The following SH3GL2 variants were observed in gnomAD, a reference collection of about 807,000 sequenced individuals.
SH3GL2 encodes endophilin-A1.
A neutral mutation model predicts 46.0 loss-of-function variants in SH3GL2; 24 were observed. The ratio of observed to expected loss-of-function variants is 0.52; its 90% CI spans 0.38 to 0.73. SH3GL2 has a LOEUF of 0.73. Ranked by LOEUF, SH3GL2 falls within the 30% of genes least tolerant of loss-of-function variation. The pLI is 0.00. For missense variants in SH3GL2, 413 were observed against 424.2 expected (o/e 0.97, Z 0.23); for synonymous variants, 196 against 147.1 (o/e 1.33, Z -2.40).
chr9:17,772,855 T>C (rs149336955), intron 3 of SH3GL2, among the ~76,000 whole-genome samples: 1 of 152,326 alleles, frequency 6.6e-6, no homozygotes, highest in African/African-American at 2.4e-5. Context: ...TTTGGGTAGA[T>C]ATCCAGAAAT....
chr9:17,619,644 T>C (rs754607517), intron 1 of SH3GL2, among the ~76,000 whole-genome samples: 12 of 151,472 alleles, frequency 7.9e-5, no homozygotes, highest in African/African-American at 1.2e-4. Flanking sequence ...ACCATTGCGC[T>C]CTAGCCTGGG....
At chr9:17,583,500 C>T (rs183843715) in intron 1 of SH3GL2, among the ~76,000 whole-genome samples, 1 of 152,318 alleles carries the variant, frequency 6.6e-6, no homozygotes, top group Admixed American at 6.5e-5. Flanking sequence ...TAGCCAGGCA[C>T]AAATCTGTTA....
intron 1 of SH3GL2, among the ~76,000 whole-genome samples, chr9:17,682,157 C>T (rs1820786539): frequency 6.6e-6 from 1 of 152,132 alleles, no homozygotes; most frequent in African/African-American, 2.4e-5. Flanking sequence ...TGTGGCGATT[C>T]CTCAAGGATC....
chr9:17,698,640 A>G (rs1031183602), intron 1 of SH3GL2, among the ~76,000 whole-genome samples: 29 of 152,204 alleles, frequency 1.9e-4, no homozygotes, highest in Non-Finnish European at 7.3e-5. Context: ...AAGAGATTAA[A>G]TGAGATAGAG....
chr9:17,776,307 G>A (rs369252273), intron 3 of SH3GL2, among the ~76,000 whole-genome samples: 2 of 152,076 alleles, frequency 1.3e-5, no homozygotes, highest in African/African-American at 4.8e-5. Context: ...AAAACTCCCT[G>A]TTTTTTTCCC....
intron 1 of SH3GL2, among the ~76,000 whole-genome samples, chr9:17,726,077 G>GTA (rs1331654306): frequency 6.6e-6 from 1 of 152,132 alleles, no homozygotes; most frequent in Admixed American, 6.5e-5. Flanking sequence ...TTCACTTGCT[G>GTA]TATGCCCTTA....
At chr9:17,748,100 G>A (rs1316432689) in intron 2 of SH3GL2, among the ~76,000 whole-genome samples, 1 of 152,200 alleles carries the variant, frequency 6.6e-6, no homozygotes, top group Non-Finnish European at 1.5e-5. Context: ...GCAAGTGAGG[G>A]TAGAAGTGAT....
At chr9:17,794,527 C>G (rs1234709699) in intron 8 of SH3GL2, among the ~76,000 whole-genome samples, 1 of 152,172 alleles carries the variant, frequency 6.6e-6, no homozygotes, top group Non-Finnish European at 1.5e-5. Context: ...TTCTCCCTGT[C>G]TGAAAACCAA....
At chr9:17,727,826 TG>T (rs1238645568) in intron 1 of SH3GL2, among the ~76,000 whole-genome samples, 1 of 152,086 alleles carries the variant, frequency 6.6e-6, no homozygotes, top group Non-Finnish European at 1.5e-5. Flanking sequence ...TCCCTTTCCC[TG>T]CCCCACCCCT....
intron 1 of SH3GL2, among the ~76,000 whole-genome samples, chr9:17,669,593 A>G (rs1403786188): frequency 6.6e-6 from 1 of 152,162 alleles, no homozygotes; most frequent in African/African-American, 2.4e-5. Context: ...TACTCAAATT[A>G]TTGCATGTTT....
chr9:17,693,297 G>T (rs1205672806), intron 1 of SH3GL2, among the ~76,000 whole-genome samples: 1 of 152,098 alleles, frequency 6.6e-6, no homozygotes, highest in South Asian at 2.1e-4. Context: ...CCAGTGGCAA[G>T]TACTTGAGCA....
chr9:17,629,066 A>G (rs1297522424), intron 1 of SH3GL2, among the ~76,000 whole-genome samples: 1 of 151,870 alleles, frequency 6.6e-6, no homozygotes, highest in African/African-American at 2.4e-5. Flanking sequence ...AAGAGGACTT[A>G]GATGAATTGG....
chr9:17,682,605 C>T (rs1684911519), intron 1 of SH3GL2, among the ~76,000 whole-genome samples: 1 of 151,390 alleles, frequency 6.6e-6, no homozygotes, highest in South Asian at 2.1e-4. Context: ...ATAGGTGCAG[C>T]AGACCACCAT....
chr9:17,758,484 C>A (rs1823068200), intron 2 of SH3GL2, among the ~76,000 whole-genome samples: 1 of 138,476 alleles, frequency 7.2e-6, no homozygotes, highest in Non-Finnish European at 1.5e-5. Context: ...ATCGCTTGAA[C>A]CTGGGAGGAG....
Position 17,791,218 on chromosome 9 carries a change from C to T in SH3GL2, c.625-13C>T. On this transcript the variant is annotated splice_polypyrimidine_tract_variant and intron_variant, in intron 6 of 8. Coordinates refer to ENST00000380607, the MANE Select transcript of SH3GL2 (RefSeq NM_003026.5). ...GTGTAAAACTAAGGCATGATTTTCC[C>T]ATCAATCTGCAGATTGAACAAGTGA... 1.3e-6 allele frequency: 2 copies of T among 1,586,150 alleles called. No individual in the cohort carries two copies. Among genetic ancestry groups the T allele is most frequent in the South Asian group, 2.2e-5 (2 of 90,500 alleles).
chr9:17,589,364 A>AT (rs1426365243), intron 1 of SH3GL2: 9 of 151,608 alleles, frequency 5.9e-5, no homozygotes, highest in East Asian at 1.9e-4. Flanking sequence ...TATTTTATAG[A>AT]TTTTTTTCTA....
chr9:17,684,640 C>T (rs1222225357), intron 1 of SH3GL2, among the ~76,000 whole-genome samples: 2 of 151,742 alleles, frequency 1.3e-5, no homozygotes, highest in African/African-American at 4.9e-5. Flanking sequence ...GAATGAATAC[C>T]CTGCAACACA....
chr9:17,743,592 A>ACACT (rs1191439105), intron 1 of SH3GL2, among the ~76,000 whole-genome samples: 3 of 151,434 alleles, frequency 2.0e-5, no homozygotes, highest in African/African-American at 7.3e-5. Flanking sequence ...ACACACACAC[A>ACACT]CACACACACC....
intron 1 of SH3GL2, among the ~76,000 whole-genome samples, chr9:17,673,393 C>T (rs1042460239): frequency 6.0e-5 from 9 of 150,608 alleles, no homozygotes; most frequent in Non-Finnish European, 1.3e-4. Context: ...CTCAAGCGAT[C>T]TGCCTGCCTC....
Sources: gnomAD v4.1 joint callset for allele counts (sites outside exome capture counted in the v4.1 genomes callset) on GRCh38, gnomAD v4.1.1 for gene constraint, MANE v1.5 for transcripts, NCBI Gene and HGNC (gene_info 2026-07-23, HGNC 2026-07-21) for gene names.